Variants in TUSC3 observed in about 807,000 individuals in gnomAD.
TUSC3 encodes tumor suppressor candidate 3.
In TUSC3, 45 loss-of-function variants were observed where a neutral mutation model predicts 44.8. That is an observed-to-expected ratio of 1.00 (90% confidence interval 0.79 to 1.29). The LOEUF is 1.29. Ranked by LOEUF, TUSC3 falls within the 50% of genes most tolerant of loss-of-function variation. The probability of loss-of-function intolerance (pLI) is 0.00; values close to 1 mark genes in which losing one functional copy is unlikely to be tolerated. For synonymous variants in TUSC3, 212 were observed against 152.9 expected (o/e 1.39, Z -2.85); for missense variants, 519 against 437.9 (o/e 1.19, Z -1.65).
chr8:15,662,085 G>A lies in TUSC3; in HGVS notation c.568-71G>A, dbSNP rs145913215. The A allele has an allele frequency of 2.4e-4, 373 of 1,551,038 alleles. 3 individuals are homozygous for A. The African/African-American group carries it at 4.4e-3, about 18-fold the overall frequency. On this transcript the variant is annotated intron_variant, in intron 4 of 10. Transcript: ENST00000503731. ...GAGTTCTTTGCGTTGAAAATTATGAGGACTAGAATATGATCAAAAGAAAAA... is the reference window on the plus strand; with the variant it reads ...GAGTTCTTTGCGTTGAAAATTATGAAGACTAGAATATGATCAAAAGAAAAA...
At chr8:15,420,098 T>C (rs943327772) in intron 1 of TUSC3, among the ~76,000 whole-genome samples, 1 of 152,192 alleles carries the variant, frequency 6.6e-6, no homozygotes, top group African/African-American at 2.4e-5. Context: ...ACAAAGCTTA[T>C]GCATACACAC....
chr8:15,638,594 G>A (rs928625610), intron 2 of TUSC3, among the ~76,000 whole-genome samples: 1 of 128,304 alleles, frequency 7.8e-6, no homozygotes, highest in African/African-American at 3.0e-5. Context: ...CATGATCTCT[G>A]CTCACTGCAA....
chr8:15,849,007 C>T, the TUSC3 span, among the ~76,000 whole-genome samples: 4 of 152,154 alleles, frequency 2.6e-5, no homozygotes, highest in Non-Finnish European at 4.4e-5. Flanking sequence ...CTATATCCCT[C>T]ACATGCCCAG....
intron 2 of TUSC3, among the ~76,000 whole-genome samples, chr8:15,642,337 ACTC>A (rs761911012): frequency 3.9e-5 from 6 of 152,128 alleles, no homozygotes; most frequent in Non-Finnish European, 7.4e-5. Context: ...AGAATCTAAA[ACTC>A]CTCTAAAAAT....
At chr8:15,418,631 G>T (rs1330057185) in intron 1 of TUSC3, among the ~76,000 whole-genome samples, 3 of 152,102 alleles carry the variant, frequency 2.0e-5, no homozygotes, top group Non-Finnish European at 2.9e-5. Flanking sequence ...GAGAGTAATC[G>T]GTCAGATGAA....
chr8:15,736,495 G>T (rs548543043), intron 7 of TUSC3, among the ~76,000 whole-genome samples: 6 of 152,186 alleles, frequency 3.9e-5, no homozygotes, highest in South Asian at 4.2e-4. Flanking sequence ...TTAAGGTAGG[G>T]TATGTTTTTG....
intron 1 of TUSC3, 22 bp from the exon 2 acceptor site, chr8:15,623,058 T>C: frequency 1.2e-6 from 2 of 1,612,340 alleles, no homozygotes; most frequent in Non-Finnish European, 1.7e-6. Flanking sequence ...TTGTAAATGT[T>C]AATTTCTGTG....
rs1338236442 is a variant in TUSC3 at position 15,546,579 on chromosome 8, A to G, written c.138+6011A>G. On this transcript the variant is annotated intron_variant, in intron 1 of 10. Coordinates refer to ENST00000503731, the MANE Select transcript of TUSC3 (RefSeq NM_006765.4). ...AGACAGAGTTTTGCTCTTGTTGCCC[A>G]GGCTGGAGTGCAATGGCGCAAACTT... is the stretch of plus-strand genomic sequence containing the variant. 2.0e-5 allele frequency among the ~76,000 whole-genome samples: 3 copies of G among 151,596 alleles called. 1 individual carries two copies. The highest frequency in any genetic ancestry group is 7.3e-5 in the African/African-American group (3 of 41,378).
chr8:15,760,183 A>T (rs2129224132), intron 10 of TUSC3, among the ~76,000 whole-genome samples: 1 of 152,324 alleles, frequency 6.6e-6, no homozygotes, highest in East Asian at 1.9e-4. Flanking sequence ...GGCAAAGTTA[A>T]TACATGTTCC....
intron 2 of TUSC3, among the ~76,000 whole-genome samples, chr8:15,526,095 C>G (rs930320004): frequency 6.6e-6 from 1 of 151,862 alleles, no homozygotes; most frequent in Non-Finnish European, 1.5e-5. Context: ...TGCAGTGGCA[C>G]CATCTCGGCT....
intron 2 of TUSC3, among the ~76,000 whole-genome samples, chr8:15,641,906 A>G (rs1321197091): frequency 6.6e-6 from 1 of 152,214 alleles, no homozygotes; most frequent in African/African-American, 2.4e-5. Flanking sequence ...ACGCAAGGAA[A>G]CTTTTGGAAG....
At chr8:15,512,580 C>T (rs1471393814) in intron 2 of TUSC3, among the ~76,000 whole-genome samples, 1 of 152,064 alleles carries the variant, frequency 6.6e-6, no homozygotes, top group Non-Finnish European at 1.5e-5. Context: ...TGAGACCAGC[C>T]TGGGCAACAT....
In TUSC3 at chr8:15,559,257, T is replaced by G. The variant is rs1436583708; in HGVS notation, c.138+18689T>G. The stretch of plus-strand genomic sequence containing the variant: ...CTTTATTTCTGCCTTCATTTTGTTA[T>G]GTACCCAGTAGTCATTCAGGAGCAG... On this transcript the variant is annotated intron_variant, in intron 1 of 10. Coordinates refer to ENST00000503731, the MANE Select transcript of TUSC3 (RefSeq NM_006765.4). Among the ~76,000 whole-genome samples the G allele has an allele frequency of 2.8e-5, 4 of 142,334 alleles. 1 individual carries two copies. Among genetic ancestry groups the G allele is most frequent in the Non-Finnish European group, 3.1e-5 (2 of 64,182 alleles). 93.4% of individuals were successfully genotyped at this position (142,334 alleles called of 152,430 possible).
intron 1 of TUSC3, among the ~76,000 whole-genome samples, chr8:15,444,171 G>T (rs1347628608): frequency 2.6e-5 from 4 of 152,192 alleles, no homozygotes; most frequent in African/African-American, 9.7e-5. Context: ...TACTCCAGCT[G>T]CAGTATATGA....
intron 2 of TUSC3, among the ~76,000 whole-genome samples, chr8:15,636,337 G>T (rs1474193538): frequency 6.6e-6 from 1 of 152,148 alleles, no homozygotes; most frequent in East Asian, 1.9e-4. Context: ...ACAAGAGATA[G>T]CTGCTGTTTT....
In TUSC3 at chr8:15,454,747, G is replaced by T. The variant is rs1319663283; in HGVS notation, n.92-28639G>T. On this transcript the variant is annotated intron_variant and non_coding_transcript_variant, in intron 1 of 5. Transcript: ENST00000503191. ...TAATAAACTGGACTGCACAAGTCTT[G>T]CAGCAAAGTAGGTAAAGTGTGGAAG... is the stretch of plus-strand genomic sequence containing the variant. Among the ~76,000 whole-genome samples, 8 of 152,128 alleles carry T rather than the reference G, an allele frequency of 5.3e-5. No individual in the cohort carries two copies. In the East Asian group the frequency reaches 9.6e-4, roughly 18 times the overall value.
chr8:15,459,128 T>C (rs1427322750), intron 1 of TUSC3, among the ~76,000 whole-genome samples: 2 of 152,312 alleles, frequency 1.3e-5, no homozygotes, highest in East Asian at 3.9e-4. Context: ...TTGATTTTTT[T>C]AAAGTCCTGC....
chr8:15,817,912 A>T, the TUSC3 span, among the ~76,000 whole-genome samples: 1 of 152,190 alleles, frequency 6.6e-6, no homozygotes, highest in Non-Finnish European at 1.5e-5. Flanking sequence ...GAGAAATCCC[A>T]CAGACTTCAA....
intron 2 of TUSC3, among the ~76,000 whole-genome samples, chr8:15,521,612 AC>A (rs11309890): frequency 0.071 from 10,712 of 150,890 alleles, 430 homozygotes; most frequent in Middle Eastern, 0.14. Flanking sequence ...ATAGGTAATT[AC>A]CCCCCCCAAA....
Sources: gnomAD v4.1 joint callset for allele counts (sites outside exome capture counted in the v4.1 genomes callset) on GRCh38, gnomAD v4.1.1 for gene constraint, MANE v1.5 for transcripts, NCBI Gene and HGNC (gene_info 2026-07-23, HGNC 2026-07-21) for gene names.